The following DAB1 variants were observed in gnomAD, a reference collection of about 807,000 sequenced individuals.
DAB1 encodes disabled homolog 1.
Under a neutral mutation model 64.6 loss-of-function variants are expected in DAB1, and 15 were observed. The ratio of observed to expected loss-of-function variants is 0.23; its 90% CI spans 0.16 to 0.36. The LOEUF (loss-of-function observed/expected upper bound fraction) is 0.36. DAB1 is among the 10% of genes least tolerant of loss of function. The pLI, the probability that DAB1 is intolerant of heterozygous loss-of-function variation, is 1.00. For missense variants in DAB1, 596 were observed against 706.7 expected (o/e 0.84, Z 1.78); for synonymous variants, 235 against 251.9 (o/e 0.93, Z 0.64).
intron 5 of DAB1, among the ~76,000 whole-genome samples, chr1:58,018,758 T>A (rs1427734981): frequency 1.3e-5 from 2 of 152,216 alleles, no homozygotes; most frequent in East Asian, 3.8e-4. Context: ...GACATTTCTC[T>A]TTCCTCCAGG....
At chr1:57,249,740 C>G (rs1669181145) in intron 2 of DAB1, among the ~76,000 whole-genome samples, 1 of 152,224 alleles carries the variant, frequency 6.6e-6, no homozygotes, top group Non-Finnish European at 1.5e-5. Context: ...TGCAAGTCCT[C>G]TCCCTAGAAT....
intron 7 of DAB1, among the ~76,000 whole-genome samples, chr1:57,512,771 CTG>C (rs1354721629): frequency 1.3e-5 from 2 of 152,180 alleles, no homozygotes; most frequent in Non-Finnish European, 2.9e-5. Flanking sequence ...TTGCTGTGGA[CTG>C]TTAAAAGCAA....
intron 7 of DAB1, among the ~76,000 whole-genome samples, chr1:57,574,936 C>T (rs1645233707): frequency 6.6e-6 from 1 of 152,136 alleles, no homozygotes; most frequent in Non-Finnish European, 1.5e-5. Flanking sequence ...TCTCTATTTC[C>T]TCATCCATAT....
chr1:57,265,274 C>T (rs1026885153), intron 2 of DAB1, among the ~76,000 whole-genome samples: 14 of 152,166 alleles, frequency 9.2e-5, no homozygotes, highest in Non-Finnish European at 1.8e-4. Flanking sequence ...CATTTTTATG[C>T]GCCTGAGATG....
rs149074967 is a variant in DAB1, at chr1:57,694,130, T to G, written n.552-44465A>C. Among the ~76,000 whole-genome samples, 6 of 152,318 alleles carry G rather than the reference T, an allele frequency of 3.9e-5. No individual in the cohort carries two copies. In the East Asian group the frequency reaches 1.2e-3, roughly 29 times the overall value. On this transcript the variant is annotated intron_variant and non_coding_transcript_variant, in intron 6 of 20. Coordinates refer to the DAB1 transcript ENST00000485760. Reference sequence around the variant, plus strand: ...TGATTTTTGTATAAGGTGAGGGAGATAGTGATCAAGTTTCATTCCTCTGGA... The same window carrying G: ...TGATTTTTGTATAAGGTGAGGGAGAGAGTGATCAAGTTTCATTCCTCTGGA...
chr1:57,572,372 C>T (rs577477541), intron 7 of DAB1, among the ~76,000 whole-genome samples: 7 of 152,234 alleles, frequency 4.6e-5, no homozygotes, highest in Non-Finnish European at 1.0e-4. Flanking sequence ...GTGGAGAGGA[C>T]TGAATAATTT....
chr1:57,976,909 T>C (rs751195430), intron 5 of DAB1, among the ~76,000 whole-genome samples: 1 of 152,188 alleles, frequency 6.6e-6, no homozygotes, highest in Non-Finnish European at 1.5e-5. Context: ...ACTGCCACTG[T>C]TTTAATCCAG....
chr1:58,040,872 G>C (rs1647124655), intron 5 of DAB1, among the ~76,000 whole-genome samples: 2 of 152,124 alleles, frequency 1.3e-5, no homozygotes, highest in African/African-American at 4.8e-5. Context: ...AACTCTCAGA[G>C]AGTCCTAATT....
chr1:57,708,728 C>T (rs575034880), intron 6 of DAB1, among the ~76,000 whole-genome samples: 5 of 152,218 alleles, frequency 3.3e-5, no homozygotes, highest in South Asian at 4.1e-4. Context: ...ACGACAGTAC[C>T]GAGTCCCACT....
At position 58,022,052 on chromosome 1, in the gene DAB1, C is replaced by T. The variant is rs12032533; in HGVS notation, n.387+128459G>A. 8.8e-3 allele frequency among the ~76,000 whole-genome samples: 1,333 copies of T among 152,272 alleles called. 33 individuals are homozygous for T. In the East Asian group the frequency reaches 0.097, roughly 11 times the overall value. On this transcript the variant is annotated intron_variant and non_coding_transcript_variant, in intron 5 of 20. Transcript: ENST00000485760. ...GATAGAGAATTTAGGCTATTAGCTG[C>T]CCTCTCTGAGGAACCTAGACAGATC... is the stretch of plus-strand genomic sequence containing the variant.
intron 2 of DAB1, among the ~76,000 whole-genome samples, chr1:57,235,721 A>AAC (rs1171883407): frequency 6.6e-6 from 1 of 151,816 alleles, no homozygotes; most frequent in East Asian, 1.9e-4. Context: ...AAAGAAAAAA[A>AAC]AACAAGCTTC....
intron 7 of DAB1, among the ~76,000 whole-genome samples, chr1:57,638,267 C>G (rs2101637593): frequency 6.6e-6 from 1 of 152,130 alleles, no homozygotes; most frequent in African/African-American, 2.4e-5. Context: ...TGTTACTTTT[C>G]ATTAATAAAA....
chr1:57,252,010 C>A (rs999488474), intron 2 of DAB1, among the ~76,000 whole-genome samples: 1 of 152,210 alleles, frequency 6.6e-6, no homozygotes, highest in Admixed American at 6.5e-5. Flanking sequence ...CTCAAGCTGT[C>A]GTGCTTTTCC....
At chr1:57,488,219 C>T (rs554121080) in intron 7 of DAB1, among the ~76,000 whole-genome samples, 33 of 151,978 alleles carry the variant, frequency 2.2e-4, no homozygotes, top group South Asian at 4.2e-4. Flanking sequence ...CTGGCTAACA[C>T]GGTGAAACCC....
intron 5 of DAB1, among the ~76,000 whole-genome samples, chr1:58,062,787 C>T (rs1648585110): frequency 6.6e-6 from 1 of 152,190 alleles, no homozygotes; most frequent in Non-Finnish European, 1.5e-5. Context: ...ACACACCATG[C>T]TCGCCCTCAC....
intron 5 of DAB1, among the ~76,000 whole-genome samples, chr1:58,064,854 C>G (rs939179592): frequency 6.6e-6 from 1 of 152,114 alleles, no homozygotes; most frequent in South Asian, 2.1e-4. Context: ...CTCCGAGTAG[C>G]AGGGACTACA....
At chr1:58,182,412 T>A (rs1481200761) in intron 4 of DAB1, among the ~76,000 whole-genome samples, 1 of 151,908 alleles carries the variant, frequency 6.6e-6, no homozygotes, top group Non-Finnish European at 1.5e-5. Flanking sequence ...CTTATGAGAC[T>A]CCCATGAAAC....
At chr1:57,506,330 T>C (rs2101333161) in intron 7 of DAB1, among the ~76,000 whole-genome samples, 2 of 152,364 alleles carry the variant, frequency 1.3e-5, no homozygotes, top group Middle Eastern at 6.8e-3. Flanking sequence ...ATCAGTTTCC[T>C]GATCAGTTTT....
chr1:57,854,550 A>C (rs1653672359), intron 1 of DAB1, among the ~76,000 whole-genome samples: 1 of 152,190 alleles, frequency 6.6e-6, no homozygotes, highest in African/African-American at 2.4e-5. Flanking sequence ...CCAGTCAGTA[A>C]GCAATTTGTC....
Sources: gnomAD v4.1 joint callset for allele counts (sites outside exome capture counted in the v4.1 genomes callset) on GRCh38, gnomAD v4.1.1 for gene constraint, MANE v1.5 for transcripts, NCBI Gene and HGNC (gene_info 2026-07-23, HGNC 2026-07-21) for gene names.